Variants in DMAC2L observed in about 807,000 individuals in gnomAD.
DMAC2L encodes the protein distal membrane arm assembly component 2 like, also known as ATP synthase subunit s, mitochondrial.
DMAC2L carries 21 observed loss-of-function variants against 22.5 expected under a neutral mutation model. The ratio of observed to expected loss-of-function variants is 0.93; its 90% confidence interval spans 0.66 to 1.34. The LOEUF is 1.34. DMAC2L is among the 40% of genes most tolerant of loss of function. The probability of loss-of-function intolerance (pLI) is 0.00; values close to 1 mark genes in which losing one functional copy is unlikely to be tolerated. For synonymous variants in DMAC2L, 86 were observed against 89.5 expected (o/e 0.96, Z 0.22); for missense variants, 239 against 246.5 (o/e 0.97, Z 0.20).
At position 50,326,494 on chromosome 14, in the gene DMAC2L, G is replaced by A. The variant is rs1014569812; in HGVS notation, c.*771G>A. The A allele has an allele frequency of 1.0e-6, 1 of 985,326 alleles. No homozygotes were observed. Among genetic ancestry groups the A allele is most frequent in the Admixed American group, 6.1e-5 (1 of 16,268 alleles). 61.0% of individuals were successfully genotyped at this position (985,326 alleles called of 1,614,324 possible). A position where few individuals can be genotyped will look rare whatever the true frequency, so the allele number is the denominator to read the frequency against. ...CAATTATGCAAAGTGGTCAGTGGTT[G>A]TTGAAGCATGCATTGCTTCAACAGG... On this transcript the variant is annotated 3_prime_UTR_variant, in exon 6 of 6. Transcript: ENST00000557421.
intron 2 of DMAC2L, among the ~76,000 whole-genome samples, chr14:50,320,058 C>G (rs923271159): frequency 3.3e-5 from 5 of 152,132 alleles, no homozygotes; most frequent in African/African-American, 1.2e-4. Flanking sequence ...TCTTGAAGCA[C>G]AACCGTAACA....
At chr14:50,312,754 A>G (rs959712326) in intron 1 of DMAC2L, 7 of 466,286 alleles carry the variant, frequency 1.5e-5, no homozygotes, top group South Asian at 3.0e-5. Flanking sequence ...GTCCACTAGA[A>G]GGGCGCTCCC....
chr14:50,312,244 G>C, upstream of DMAC2L: 2 of 1,531,642 alleles, frequency 1.3e-6, no homozygotes, highest in Admixed American at 1.9e-5. Context: ...CCCCTCACGC[G>C]GGGGCCAATG....
intron 2 of DMAC2L, among the ~76,000 whole-genome samples, chr14:50,315,352 G>A (rs1033026463): frequency 5.9e-5 from 9 of 151,684 alleles, no homozygotes; most frequent in Non-Finnish European, 8.8e-5. Context: ...TTCCATTCCT[G>A]AGTTACTTCA....
chr14:50,315,871 G>A (rs1214981601), intron 2 of DMAC2L, among the ~76,000 whole-genome samples: 4 of 151,140 alleles, frequency 2.6e-5, no homozygotes, highest in East Asian at 1.9e-4. Flanking sequence ...ATAAACATGC[G>A]TGTGCAAGTA....
intron 5 of DMAC2L, 29 bp downstream of exon 5, chr14:50,324,145 T>G (rs759366346): frequency 1.1e-5 from 18 of 1,586,802 alleles, no homozygotes; most frequent in Non-Finnish European, 1.5e-5. Context: ...AGTGGAAACT[T>G]GATAATGCTG....
At chr14:50,319,965 C>T (rs1458079181) in intron 2 of DMAC2L, among the ~76,000 whole-genome samples, 4 of 152,230 alleles carry the variant, frequency 2.6e-5, no homozygotes, top group East Asian at 1.9e-4. Context: ...TAGGCCCTTT[C>T]GTATGGCCTC....
At chr14:50,319,293 G>A in intron 2 of DMAC2L, 1 of 1,536,076 alleles carries the variant, frequency 6.5e-7, no homozygotes, top group South Asian at 1.2e-5. Flanking sequence ...GTGAAAAAGG[G>A]ATGAAAGGGT....
At chr14:50,322,377 C>G (rs2032348487) in intron 3 of DMAC2L, 134 bp from the exon 4 acceptor site, 2 of 876,400 alleles carry the variant, frequency 2.3e-6, no homozygotes, top group South Asian at 3.0e-5. Flanking sequence ...TTGCATGGAT[C>G]TCACTAATTT....
intron 1 of DMAC2L, 163 bp downstream of exon 1, chr14:50,312,552 G>C (rs988761013): frequency 6.5e-6 from 2 of 309,832 alleles, no homozygotes; most frequent in Non-Finnish European, 1.2e-5. Context: ...AGAAACTCTG[G>C]GCGGGATTAC....
At chr14:50,316,144 AT>A (rs1180120225) in intron 2 of DMAC2L, among the ~76,000 whole-genome samples, 4 of 151,386 alleles carry the variant, frequency 2.6e-5, no homozygotes. Context: ...TTTGATTTGC[AT>A]TTTCCTGATG....
intron 2 of DMAC2L, among the ~76,000 whole-genome samples, chr14:50,316,089 A>G (rs1488689143): frequency 3.3e-5 from 5 of 151,836 alleles, no homozygotes; most frequent in Admixed American, 1.3e-4. Context: ...TAATTTTTTG[A>G]TTATGGCCAT....
intron 1 of DMAC2L, among the ~76,000 whole-genome samples, chr14:50,313,865 G>T (rs187806025): frequency 6.6e-6 from 1 of 152,224 alleles, no homozygotes; most frequent in Admixed American, 6.5e-5. Context: ...CCCTCCAGTT[G>T]CCCTTTTATA....
intron 2 of DMAC2L, chr14:50,321,173 C>A: frequency 5.5e-6 from 1 of 181,422 alleles, no homozygotes. Flanking sequence ...TCAGCAAATT[C>A]ATAGCTACAG....
intron 1 of DMAC2L, chr14:50,313,104 G>T (rs756459355): frequency 2.0e-6 from 3 of 1,479,212 alleles, no homozygotes; most frequent in South Asian, 1.1e-5. Context: ...AGGGCGATGG[G>T]CTGTGTAATC....
Position 50,322,864 on chromosome 14 carries a change from T to C in DMAC2L, c.316+145T>C. The C allele has an allele frequency of 2.0e-6, 3 of 1,475,738 alleles. No individual in the cohort carries two copies. The East Asian group carries it at 7.5e-5, about 37-fold the overall frequency. The allele number at this position is 1,475,738 out of a possible 1,614,324, so 91.4% of individuals were successfully genotyped here. A position where few individuals can be genotyped will look rare whatever the true frequency, so the allele number is the denominator to read the frequency against. The stretch of plus-strand genomic sequence containing the variant: ...AGTTTGTTTCTTCCTGTGTTTGATA[T>C]TTATTTTCAAATTAAATTGAGGTTA... On this transcript the variant is annotated intron_variant, in intron 4 of 5. Coordinates refer to ENST00000557421, the MANE Select transcript of DMAC2L (RefSeq NM_001382507.1).
intron 2 of DMAC2L, among the ~76,000 whole-genome samples, chr14:50,315,124 G>C (rs1416428965): frequency 3.3e-5 from 5 of 151,820 alleles, no homozygotes; most frequent in Non-Finnish European, 5.9e-5. Flanking sequence ...CTGCCACTAT[G>C]CCCGGCTAAT....
At chr14:50,314,114 T>G (rs540620497) in intron 1 of DMAC2L, among the ~76,000 whole-genome samples, 2 of 152,336 alleles carry the variant, frequency 1.3e-5, no homozygotes, top group South Asian at 2.1e-4. Context: ...ATTGATATGG[T>G]TTGGCTGTGT....
upstream of DMAC2L, chr14:50,311,930 G>A (rs2031229077): frequency 4.6e-6 from 7 of 1,520,476 alleles, no homozygotes; most frequent in South Asian, 8.4e-5. Flanking sequence ...AGGGAAATAC[G>A]AACAGGGGCA....
Sources: gnomAD v4.1 joint callset for allele counts (sites outside exome capture counted in the v4.1 genomes callset) on GRCh38, gnomAD v4.1.1 for gene constraint, MANE v1.5 for transcripts, NCBI Gene and HGNC (gene_info 2026-07-23, HGNC 2026-07-21) for gene names.